Variants in SOX6 observed in about 807,000 individuals in gnomAD.
The protein encoded by SOX6 is transcription factor SOX-6.
SOX6 carries 11 observed loss-of-function variants against 97.8 expected under a neutral mutation model. That is an observed-to-expected ratio of 0.11 (90% confidence interval 0.07 to 0.19). The LOEUF is 0.19. Ranked by LOEUF, SOX6 falls within the 10% of genes least tolerant of loss-of-function variation. The pLI, the probability that SOX6 is intolerant of heterozygous loss-of-function variation, is 1.00. For missense variants in SOX6, 810 were observed against 1,039.5 expected (o/e 0.78, Z 3.04); for synonymous variants, 360 against 371.4 (o/e 0.97, Z 0.35).
intron 12 of SOX6, among the ~76,000 whole-genome samples, chr11:16,024,464 T>A (rs1048942757): frequency 2.0e-5 from 3 of 150,992 alleles, no homozygotes; most frequent in African/African-American, 7.3e-5. Flanking sequence ...GAAACTTTTT[T>A]CTTTAGGATC....
At chr11:16,273,818 A>G (rs987398907) in intron 3 of SOX6, among the ~76,000 whole-genome samples, 3 of 152,058 alleles carry the variant, frequency 2.0e-5, no homozygotes, top group African/African-American at 7.2e-5. Context: ...CTTAACAATG[A>G]AATTCTGCCA....
intron 4 of SOX6, among the ~76,000 whole-genome samples, chr11:16,227,672 A>G (rs1039025525): frequency 1.3e-5 from 2 of 152,172 alleles, no homozygotes; most frequent in African/African-American, 4.8e-5. Context: ...TGTCACAGCT[A>G]TAAGTTCTTA....
At chr11:16,380,610 T>C (rs1221796688) in intron 1 of SOX6, among the ~76,000 whole-genome samples, 5 of 152,104 alleles carry the variant, frequency 3.3e-5, no homozygotes, top group Non-Finnish European at 7.4e-5. Context: ...ATAAGTATGA[T>C]AGTTTTTCTA....
intron 2 of SOX6, among the ~76,000 whole-genome samples, chr11:16,340,807 T>A (rs1365249015): frequency 1.3e-5 from 2 of 152,076 alleles, no homozygotes; most frequent in Non-Finnish European, 2.9e-5. Flanking sequence ...CACATTGACC[T>A]AATAATAAAC....
chr11:16,647,661 G>C (rs1215873042), intron 3 of SOX6, among the ~76,000 whole-genome samples: 2 of 152,166 alleles, frequency 1.3e-5, no homozygotes, highest in Admixed American at 6.5e-5. Context: ...TAAGTTCCAT[G>C]AAACAGGTGG....
intron 3 of SOX6, among the ~76,000 whole-genome samples, chr11:16,631,279 T>G (rs1241452393): frequency 6.6e-6 from 1 of 152,232 alleles, no homozygotes; most frequent in Non-Finnish European, 1.5e-5. Flanking sequence ...GTTGGTCTAA[T>G]GATAACAAAT....
intron 12 of SOX6, among the ~76,000 whole-genome samples, chr11:16,042,376 C>G (rs1428498966): frequency 6.6e-6 from 1 of 152,102 alleles, no homozygotes; most frequent in African/African-American, 2.4e-5. Context: ...GAAAGAATAC[C>G]CTACCCAGGT....
At chr11:16,540,007 A>G (rs976655017) in intron 4 of SOX6, among the ~76,000 whole-genome samples, 1 of 152,184 alleles carries the variant, frequency 6.6e-6, no homozygotes. Flanking sequence ...CTTGGCAGGG[A>G]CACAACAAAA....
At chr11:16,456,214 A>G (rs1339958352) in intron 1 of SOX6, among the ~76,000 whole-genome samples, 1 of 152,058 alleles carries the variant, frequency 6.6e-6, no homozygotes, top group African/African-American at 2.4e-5. Flanking sequence ...GAGATAACTA[A>G]ACTCATTTTA....
chr11:16,614,384 C>A (rs1420713671), intron 3 of SOX6, among the ~76,000 whole-genome samples: 1 of 152,146 alleles, frequency 6.6e-6, no homozygotes, highest in African/African-American at 2.4e-5. Flanking sequence ...GAATTGCGTG[C>A]AAGAGAAGGA....
chr11:16,090,551 C>T (rs760991187), intron 9 of SOX6, among the ~76,000 whole-genome samples: 2 of 151,850 alleles, frequency 1.3e-5, no homozygotes, highest in Non-Finnish European at 2.9e-5. Flanking sequence ...GATACCTGCA[C>T]TTTTTCTTAA....
At chr11:16,012,263 T>C (rs967024397) in intron 13 of SOX6, among the ~76,000 whole-genome samples, 2 of 152,064 alleles carry the variant, frequency 1.3e-5, no homozygotes, top group Non-Finnish European at 2.9e-5. Flanking sequence ...ATATGAAGTG[T>C]AACTCCAGCA....
chr11:16,134,842 A>G (rs1322106850), intron 6 of SOX6, among the ~76,000 whole-genome samples: 1 of 152,190 alleles, frequency 6.6e-6, no homozygotes, highest in African/African-American at 2.4e-5. Flanking sequence ...TAATAACTCT[A>G]CAATGGCCTC....
intron 1 of SOX6, among the ~76,000 whole-genome samples, chr11:16,377,398 C>T (rs893822287): frequency 6.6e-6 from 1 of 152,026 alleles, no homozygotes; most frequent in Non-Finnish European, 1.5e-5. Flanking sequence ...CCACTTTAAG[C>T]CAGTTAATAA....
chr11:16,594,542 C>T (rs1183885398), intron 4 of SOX6, among the ~76,000 whole-genome samples: 2 of 151,958 alleles, frequency 1.3e-5, no homozygotes, highest in African/African-American at 4.8e-5. Context: ...ATAAAATTTT[C>T]CTTCCATATG....
intron 3 of SOX6, among the ~76,000 whole-genome samples, chr11:16,626,877 G>C (rs1202541231): frequency 1.3e-5 from 2 of 151,810 alleles, no homozygotes; most frequent in African/African-American, 4.8e-5. Context: ...GTGTTACCTG[G>C]GCATACTGCG....
intron 3 of SOX6, among the ~76,000 whole-genome samples, chr11:16,243,670 A>G (rs1463761521): frequency 6.6e-6 from 1 of 151,942 alleles, no homozygotes; most frequent in Non-Finnish European, 1.5e-5. Context: ...TTTCCAGGCA[A>G]TCATCCATGC....
At chr11:16,642,272 A>T (rs1590031424) in intron 3 of SOX6, among the ~76,000 whole-genome samples, 1 of 151,886 alleles carries the variant, frequency 6.6e-6, no homozygotes, top group Admixed American at 6.6e-5. Context: ...CTGCCGAGAG[A>T]CCTGCTGTTA....
chr11:16,285,889 C>A (rs1170497742), intron 3 of SOX6, among the ~76,000 whole-genome samples: 1 of 151,926 alleles, frequency 6.6e-6, no homozygotes, highest in Non-Finnish European at 1.5e-5. Context: ...TCTGATGAAC[C>A]CTCAAATATA....
Sources: allele counts gnomAD v4.1 joint callset (sites outside exome capture counted in the v4.1 genomes callset), GRCh38; gene constraint gnomAD v4.1.1; transcripts MANE v1.5; gene names NCBI Gene and HGNC (gene_info 2026-07-23, HGNC 2026-07-21).